COX17: variants seen among roughly 807,000 people sequenced by gnomAD.
COX17 encodes cytochrome c oxidase copper chaperone.
COX17 carries 1 observed loss-of-function variant against 6.3 expected under a neutral mutation model. The observed-to-expected ratio is 0.16, with a 90% CI of 0.06 to 0.75. COX17 has a LOEUF of 0.75. Among genes scored for constraint, COX17 ranks in the 30% least tolerant of loss-of-function variants. COX17 has a pLI of 0.77. For synonymous variants in COX17, 26 were observed against 30.5 expected (o/e 0.85, Z 0.49); for missense variants, 73 against 81.2 (o/e 0.90, Z 0.39).
chr3:119,671,346 T>C (rs2053041964), intron 2 of COX17, among the ~76,000 whole-genome samples: 1 of 152,216 alleles, frequency 6.6e-6, no homozygotes, highest in African/African-American at 2.4e-5. Flanking sequence ...GTATAATAGA[T>C]TTATTCCCAA....
At chr3:119,666,947 G>A (rs1482272875), downstream of COX17, 2 of 152,170 alleles carry the variant, frequency 1.3e-5, no homozygotes, top group African/African-American at 4.8e-5. Context: ...TTGGATCAGG[G>A]TGATTTCCTT....
At chr3:119,668,545 C>G (rs2053014018), downstream of COX17, among the ~76,000 whole-genome samples, 1 of 142,202 alleles carries the variant, frequency 7.0e-6, no homozygotes. Flanking sequence ...ACTTCTATAC[C>G]TTTTTTTTTT....
chr3:119,670,513 T>C (rs1005476541), intron 2 of COX17, among the ~76,000 whole-genome samples: 2 of 152,184 alleles, frequency 1.3e-5, no homozygotes, highest in Non-Finnish European at 2.9e-5. Context: ...TAGCAGCCCA[T>C]AGCATTGTTA....
chr3:119,668,136 A>C (rs1397088922), downstream of COX17, among the ~76,000 whole-genome samples: 4 of 134,734 alleles, frequency 3.0e-5, no homozygotes, highest in African/African-American at 1.0e-4. Flanking sequence ...AATATGTAGC[A>C]TAGAAAAAAA....
At chr3:119,666,624 C>T (rs879554904), downstream of COX17, among the ~76,000 whole-genome samples, 6 of 152,158 alleles carry the variant, frequency 3.9e-5, no homozygotes, top group African/African-American at 4.8e-5. Flanking sequence ...TATATTTCTA[C>T]GGTTTATATA....
At chr3:119,670,543 C>T (rs897025938) in intron 2 of COX17, among the ~76,000 whole-genome samples, 2 of 152,172 alleles carry the variant, frequency 1.3e-5, no homozygotes, top group Admixed American at 1.3e-4. Context: ...CGACTGACTA[C>T]ATAACAAAAG....
chr3:119,675,710 A>G (rs542546205), intron 1 of COX17: 1 of 153,592 alleles, frequency 6.5e-6, no homozygotes, highest in East Asian at 1.9e-4. Context: ...CCCCCTCATG[A>G]TGATCAAAGA....
At chr3:119,675,953 C>T (rs141605906) in intron 1 of COX17, among the ~76,000 whole-genome samples, 2 of 152,326 alleles carry the variant, frequency 1.3e-5, no homozygotes, top group East Asian at 3.9e-4. Flanking sequence ...ACCCATCCTT[C>T]AATAGCTCAA....
At chr3:119,669,122 T>C (rs1020599238), downstream of COX17, 2 of 152,132 alleles carry the variant, frequency 1.3e-5, no homozygotes, top group African/African-American at 4.8e-5. Context: ...ACAGTTGAGA[T>C]CTTCTAAGCC....
intron 2 of COX17, among the ~76,000 whole-genome samples, chr3:119,673,458 T>G (rs886259940): frequency 2.6e-5 from 4 of 152,176 alleles, no homozygotes; most frequent in African/African-American, 9.7e-5. Context: ...CTATTAAAAT[T>G]TTTACAAACT....
At chr3:119,675,439 TG>T (rs1021183990) in intron 1 of COX17, 2 of 520,336 alleles carry the variant, frequency 3.8e-6, no homozygotes, top group Non-Finnish European at 6.9e-6. Context: ...TAAGTGATTT[TG>T]GGGGGGAAAT....
Position 119,675,197 on chromosome 3 carries a change from T to C in COX17, c.144A>G (p.Leu48=). ...TCATGCATTCCTTGTGGGCCTCAAT[T>C]AGATGTCCACAGTGTTCTTCTCCTT... The part of the protein sequence containing the change: ...IEKGEEHCGH[L]IEAHKECMRA... Residue 48 remains leucine (L), a synonymous_variant, in exon 2 of 3, where the codon CTA becomes CTG. Coordinates refer to ENST00000261070, the MANE Select transcript of COX17 (RefSeq NM_005694.2). The C allele has an allele frequency of 6.2e-7, 1 of 1,613,452 alleles. No individual in the cohort carries two copies. Among genetic ancestry groups the C allele is most frequent in the Non-Finnish European group, 8.5e-7 (1 of 1,179,444 alleles).
chr3:119,677,385 A>G lies in COX17; in HGVS notation c.-75T>C. 1 of 1,174,478 alleles carries G rather than the reference A, an allele frequency of 8.5e-7. No individual in the cohort carries two copies. Among genetic ancestry groups the G allele is most frequent in the South Asian group, 1.3e-5 (1 of 77,904 alleles). The allele number at this position is 1,174,478 out of a possible 1,614,324, so 72.8% of individuals were successfully genotyped here. On this transcript the variant is annotated 5_prime_UTR_variant, in exon 1 of 3. Transcript: ENST00000261070. ...CCTCGGCAAACGCCGATTCGTCCGC[A>G]GTCACTTCCGGCAGTCGCTCTAAAA...
At chr3:119,669,433 T>C (rs2053022708), downstream of COX17, 1 of 152,034 alleles carries the variant, frequency 6.6e-6, no homozygotes, top group African/African-American at 2.4e-5. Flanking sequence ...AATAAGAACA[T>C]AAGAACCTTA....
At position 119,670,160 on chromosome 3, in the gene COX17, G is replaced by A. The variant is rs573618276; in HGVS notation, c.*5-495C>T. On this transcript the variant is annotated intron_variant, in intron 2 of 2. Coordinates refer to ENST00000261070, the MANE Select transcript of COX17 (RefSeq NM_005694.2). ...ACTTAATCCCAAAGGCAAGACAAGGGCAACCCTTTAATATTCATTTGGAAA... is the reference window on the plus strand; with the variant it reads ...ACTTAATCCCAAAGGCAAGACAAGGACAACCCTTTAATATTCATTTGGAAA... Among the ~76,000 whole-genome samples the A allele has an allele frequency of 1.6e-4, 25 of 152,186 alleles. No individual in the cohort carries two copies. The South Asian group carries it at 5.2e-3, about 32-fold the overall frequency.
In COX17 at chr3:119,677,405, C is replaced by G; in HGVS notation, c.-95G>C. The G allele has an allele frequency of 1.0e-6, 1 of 981,950 alleles. No homozygotes were observed. The highest frequency in any genetic ancestry group is 1.6e-6 in the Non-Finnish European group (1 of 632,952). 60.8% of individuals were successfully genotyped at this position (981,950 alleles called of 1,614,324 possible). On this transcript the variant is annotated 5_prime_UTR_variant, in exon 1 of 3. Transcript: ENST00000261070. ...TCCGCAGTCACTTCCGGCAGTCGCTCTAAAAAGTACAGGAAGTCCTGCTTC... is the reference window on the plus strand; with the variant it reads ...TCCGCAGTCACTTCCGGCAGTCGCTGTAAAAAGTACAGGAAGTCCTGCTTC...
At chr3:119,671,278 C>T (rs750787405) in intron 2 of COX17, among the ~76,000 whole-genome samples, 17 of 152,088 alleles carry the variant, frequency 1.1e-4, no homozygotes, top group Non-Finnish European at 1.2e-4. Context: ...CTGAGGTGCA[C>T]CTCTGGGTAA....
intron 2 of COX17, 93 bp downstream of exon 2, chr3:119,675,052 A>G: frequency 1.1e-6 from 1 of 869,594 alleles, no homozygotes. Context: ...TAAGCATTTT[A>G]GATTAACCAG....
At chr3:119,668,347 G>T (rs2053012295), downstream of COX17, among the ~76,000 whole-genome samples, 1 of 152,044 alleles carries the variant, frequency 6.6e-6, no homozygotes, top group African/African-American at 2.4e-5. Flanking sequence ...TGTCTTAATT[G>T]TCCAAGATTC....
Sources: allele counts gnomAD v4.1 joint callset (sites outside exome capture counted in the v4.1 genomes callset), GRCh38; gene constraint gnomAD v4.1.1; transcripts MANE v1.5; gene names NCBI Gene and HGNC (gene_info 2026-07-23, HGNC 2026-07-21).